The following SDK1 variants were observed in gnomAD, a reference collection of about 807,000 sequenced individuals.
SDK1 encodes the protein sidekick cell adhesion molecule 1.
Under a neutral mutation model 245.5 loss-of-function variants are expected in SDK1, and 157 were observed. The ratio of observed to expected loss-of-function variants is 0.64; its 90% CI spans 0.56 to 0.73. The LOEUF (loss-of-function observed/expected upper bound fraction) is 0.73, where lower values mean the gene tolerates loss of function less well. SDK1 is among the 30% of genes least tolerant of loss of function. SDK1 has a pLI of 0.00. For synonymous variants in SDK1, 1,647 were observed against 1,278.5 expected, an observed-to-expected ratio of 1.29 and a Z score of -6.15; for missense variants, 3,583 against 3,002.3, an observed-to-expected ratio of 1.19 and a Z score of -4.52.
At chr7:3,785,608 G>A (rs1274620339) in intron 4 of SDK1, among the ~76,000 whole-genome samples, 1 of 152,104 alleles carries the variant, frequency 6.6e-6, no homozygotes, top group African/African-American at 2.4e-5. Flanking sequence ...ACAGACTATT[G>A]GTGTAAATGC....
At chr7:3,834,927 T>G (rs911014936) in intron 5 of SDK1, among the ~76,000 whole-genome samples, 4 of 152,094 alleles carry the variant, frequency 2.6e-5, no homozygotes, top group Admixed American at 6.5e-5. Flanking sequence ...TTCCTGTAGC[T>G]CCTTTTCTTT....
At chr7:3,357,442 C>G (rs936920289) in intron 1 of SDK1, among the ~76,000 whole-genome samples, 1 of 141,572 alleles carries the variant, frequency 7.1e-6, no homozygotes. Flanking sequence ...CTCAGTCTCC[C>G]TGGGCTCAGG....
At chr7:4,206,363 G>A (rs1784226509) in intron 36 of SDK1, among the ~76,000 whole-genome samples, 1 of 152,208 alleles carries the variant, frequency 6.6e-6, no homozygotes, top group African/African-American at 2.4e-5. Flanking sequence ...AAAAGAACAT[G>A]GGGCGCCTGG....
At position 4,113,217 on chromosome 7, in the gene SDK1, G is replaced by A. The variant is rs569478508; in HGVS notation, c.3435-72G>A. 24 of 1,507,892 alleles carry A rather than the reference G, an allele frequency of 1.6e-5. No individual in the cohort carries two copies. In the East Asian group the frequency reaches 3.6e-4, roughly 23 times the overall value. The allele number at this position is 1,507,892 out of a possible 1,614,324, so 93.4% of individuals were successfully genotyped here. ...AGCCCTCCCTTGAGAAACAGTCAGC[G>A]CCTTTGTGGTTTCGTTCTTTTCCTT... On this transcript the variant is annotated intron_variant, in intron 23 of 44. Transcript: ENST00000404826.
chr7:3,589,533 G>A (rs971831901), intron 1 of SDK1, among the ~76,000 whole-genome samples: 1 of 152,176 alleles, frequency 6.6e-6, no homozygotes, highest in South Asian at 2.1e-4. Context: ...ACCTGAGACT[G>A]GGTAATTTAT....
At chr7:3,334,136 A>G (rs959999038) in intron 1 of SDK1, among the ~76,000 whole-genome samples, 12 of 152,178 alleles carry the variant, frequency 7.9e-5, no homozygotes, top group African/African-American at 2.7e-4. Context: ...CAGAACCCCA[A>G]TGTGGTTTTT....
chr7:3,308,239 A>G (rs896601878), intron 1 of SDK1, among the ~76,000 whole-genome samples: 1 of 152,152 alleles, frequency 6.6e-6, no homozygotes. Flanking sequence ...AAGGCTAACA[A>G]ATCTGGAGGT....
At chr7:3,392,222 G>A (rs932162567) in intron 1 of SDK1, among the ~76,000 whole-genome samples, 1 of 152,050 alleles carries the variant, frequency 6.6e-6, no homozygotes, top group African/African-American at 2.4e-5. Context: ...TGAACCCCAT[G>A]TACTCTAGCA....
chr7:3,990,962 G>T (rs1784258645), intron 14 of SDK1, among the ~76,000 whole-genome samples: 1 of 152,226 alleles, frequency 6.6e-6, no homozygotes, highest in African/African-American at 2.4e-5. Flanking sequence ...ACCTGTTACA[G>T]CGGTGAAGCC....
chr7:3,539,902 G>GT (rs1779003856), intron 1 of SDK1, among the ~76,000 whole-genome samples: 1 of 152,208 alleles, frequency 6.6e-6, no homozygotes, highest in African/African-American at 2.4e-5. Context: ...GAGGGCACAT[G>GT]CCTCATCTGA....
At chr7:3,625,268 C>T (rs933859572) in intron 2 of SDK1, among the ~76,000 whole-genome samples, 15 of 152,132 alleles carry the variant, frequency 9.9e-5, no homozygotes, top group African/African-American at 2.7e-4. Context: ...CATCAGAAAC[C>T]GATCACAGAT....
chr7:3,552,988 AACT>A (rs1439949866), intron 1 of SDK1, among the ~76,000 whole-genome samples: 1 of 152,204 alleles, frequency 6.6e-6, no homozygotes. Context: ...TTTATCATAA[AACT>A]AAAACCTATT....
chr7:4,126,111 ATG>A (rs1784377037), intron 25 of SDK1, among the ~76,000 whole-genome samples: 1 of 152,136 alleles, frequency 6.6e-6, no homozygotes, highest in Admixed American at 6.5e-5. Context: ...TTTTTCAACC[ATG>A]GGGGCCCTGA....
At chr7:3,990,566 A>G (rs557693188) in intron 14 of SDK1, among the ~76,000 whole-genome samples, 1 of 152,298 alleles carries the variant, frequency 6.6e-6, no homozygotes, top group East Asian at 1.9e-4. Context: ...GACGGAGAGA[A>G]TGGGACAGGG....
intron 5 of SDK1, among the ~76,000 whole-genome samples, chr7:3,940,811 T>C (rs1437178001): frequency 6.6e-6 from 1 of 150,410 alleles, no homozygotes; most frequent in Non-Finnish European, 1.5e-5. Context: ...ACAAAAATAA[T>C]AATAATAATA....
In SDK1 at chr7:4,268,390, A is replaced by C; in HGVS notation, c.*3006A>C. The C allele has an allele frequency of 9.3e-7, 1 of 1,070,338 alleles. No homozygotes were observed. Among genetic ancestry groups the C allele is most frequent in the East Asian group, 8.3e-5 (1 of 12,064 alleles). 66.3% of individuals were successfully genotyped at this position (1,070,338 alleles called of 1,614,324 possible). On this transcript the variant is annotated 3_prime_UTR_variant, in exon 45 of 45. Coordinates refer to ENST00000404826, the MANE Select transcript of SDK1 (RefSeq NM_152744.4). Reference sequence around the variant, plus strand: ...TCCTGCACGGCCACCTTCTGGGTGAATCGGTCCAGCCCAAGCCCCTCTCCC... The same window carrying C: ...TCCTGCACGGCCACCTTCTGGGTGACTCGGTCCAGCCCAAGCCCCTCTCCC...
chr7:3,982,633 G>A (rs1783499981), intron 13 of SDK1, among the ~76,000 whole-genome samples: 1 of 152,072 alleles, frequency 6.6e-6, no homozygotes, highest in Non-Finnish European at 1.5e-5. Context: ...AAGGTCAGGA[G>A]ATCGAGACCA....
chr7:3,940,404 A>G (rs1047354348), intron 5 of SDK1, among the ~76,000 whole-genome samples: 29 of 152,254 alleles, frequency 1.9e-4, no homozygotes, highest in African/African-American at 6.8e-4. Context: ...AAACTCGAGC[A>G]GAAGTAGCCT....
intron 44 of SDK1, among the ~76,000 whole-genome samples, chr7:4,259,303 G>A (rs1005582031): frequency 6.6e-6 from 1 of 152,170 alleles, no homozygotes; most frequent in African/African-American, 2.4e-5. Context: ...GCCAGGTGTG[G>A]TGGCGGGCAC....
Sources: gnomAD v4.1 joint callset for allele counts (sites outside exome capture counted in the v4.1 genomes callset) on GRCh38, gnomAD v4.1.1 for gene constraint, MANE v1.5 for transcripts, NCBI Gene and HGNC (gene_info 2026-07-23, HGNC 2026-07-21) for gene names.